Variants in FANCD2 observed in about 807,000 individuals in gnomAD.
The protein encoded by FANCD2 is FA complementation group D2.
A neutral mutation model predicts 192.3 loss-of-function variants in FANCD2; 131 were observed. The observed-to-expected ratio is 0.68, with a 90% CI of 0.59 to 0.79. The LOEUF (loss-of-function observed/expected upper bound fraction) is 0.79. Among genes scored for constraint, FANCD2 ranks in the 30% least tolerant of loss-of-function variants. The pLI, the probability that FANCD2 is intolerant of heterozygous loss-of-function variation, is 0.00. For synonymous variants in FANCD2, 524 were observed against 612.5 expected, an observed-to-expected ratio of 0.86 and a Z score of 2.13; for missense variants, 1,508 against 1,701.6, an observed-to-expected ratio of 0.89 and a Z score of 2.00.
In FANCD2 at chr3:10,046,557, T is replaced by G. The variant is rs1356244244; in HGVS notation, c.1135-23T>G. On this transcript the variant is annotated intron_variant, in intron 14 of 43. Transcript: ENST00000675286. ...ACTGATTTGTTAACTGTTTTTCTGT[T>G]GTTGCATATTTATTGACAATAGGTG... The G allele has an allele frequency of 1.2e-6, 2 of 1,614,134 alleles. No homozygotes were observed. Among genetic ancestry groups the G allele is most frequent in the Non-Finnish European group, 1.7e-6 (2 of 1,179,988 alleles).
At chr3:10,034,882 T>C in intron 5 of FANCD2, 84 bp downstream of exon 5, 1 of 1,007,126 alleles carries the variant, frequency 9.9e-7, no homozygotes, top group Non-Finnish European at 1.5e-6. Context: ...GCACAGTTGT[T>C]TCAAATTTCA....
chr3:10,089,126 A>T (rs1412955072), intron 36 of FANCD2, among the ~76,000 whole-genome samples, 176 bp downstream of exon 36: 1 of 152,052 alleles, frequency 6.6e-6, no homozygotes, highest in Non-Finnish European at 1.5e-5. Flanking sequence ...CCCTACTAAA[A>T]ATACAAAAAT....
intron 29 of FANCD2, among the ~76,000 whole-genome samples, chr3:10,076,284 C>CTTTT (rs58896767): frequency 8.3e-5 from 12 of 144,920 alleles, no homozygotes; most frequent in African/African-American, 3.0e-4. Flanking sequence ...TTGAATTAGT[C>CTTTT]TTTTTTTTTT....
At chr3:10,077,908 C>G (rs1220292759) in intron 29 of FANCD2, among the ~76,000 whole-genome samples, 173 bp from the exon 30 acceptor site, 1 of 151,914 alleles carries the variant, frequency 6.6e-6, no homozygotes, top group Non-Finnish European at 1.5e-5. Context: ...GTTGTGTGTG[C>G]CTATAGTCCC....
chr3:10,065,676 AT>A (rs2087699022), intron 24 of FANCD2, among the ~76,000 whole-genome samples, 182 bp downstream of exon 24: 1 of 152,236 alleles, frequency 6.6e-6, no homozygotes, highest in Non-Finnish European at 1.5e-5. Flanking sequence ...TAACAAATCA[AT>A]TGTTGCAAAA....
chr3:10,066,013 T>C (rs778661237), intron 25 of FANCD2, 34 bp downstream of exon 25: 55 of 1,347,398 alleles, frequency 4.1e-5, no homozygotes, highest in Non-Finnish European at 5.6e-5. Flanking sequence ...TCACTTATTG[T>C]GCATAGTTTT....
intron 11 of FANCD2, 86 bp from the exon 12 acceptor site, chr3:10,042,964 C>T: frequency 8.3e-7 from 1 of 1,210,182 alleles, no homozygotes; most frequent in African/African-American, 1.5e-5. Context: ...CTCAGTCTTT[C>T]AGGAGATTGT....
chr3:10,030,589 A>G (rs1404604981), intron 2 of FANCD2, among the ~76,000 whole-genome samples: 1 of 152,096 alleles, frequency 6.6e-6, no homozygotes, highest in African/African-American at 2.4e-5. Flanking sequence ...CATGTAAGGA[A>G]TAGGCTTGAT....
At chr3:10,075,581 A>G (rs1368986268) in intron 29 of FANCD2, among the ~76,000 whole-genome samples, 1 of 152,210 alleles carries the variant, frequency 6.6e-6, no homozygotes, top group Non-Finnish European at 1.5e-5. Flanking sequence ...AGTTGGGAGT[A>G]GAGGACATTT....
At chr3:10,081,536 A>G in intron 32 of FANCD2, 72 bp downstream of exon 32, 1 of 1,046,998 alleles carries the variant, frequency 9.6e-7, no homozygotes, top group Non-Finnish European at 1.5e-6. Flanking sequence ...AAGGCACTGA[A>G]ATGTAGAAAA....
At chr3:10,030,376 C>T (rs1479510697) in intron 2 of FANCD2, among the ~76,000 whole-genome samples, 10 of 152,022 alleles carry the variant, frequency 6.6e-5, no homozygotes, top group South Asian at 2.1e-4. Flanking sequence ...GGATATCGGA[C>T]GTGAGCCACC....
In FANCD2 at chr3:10,092,244, T is replaced by A. The variant is rs113930338; in HGVS notation, c.3841T>A (p.Leu1281Met). The A allele has an allele frequency of 2.6e-5, 42 of 1,611,680 alleles. No individual in the cohort carries two copies. The Admixed American group carries it at 7.0e-4, about 27-fold the overall frequency. ...TCGAGACTTCAGTATCCTCATCAAC[T>A]TGATAAAGGTGAGTATGGAGACTGC... is the stretch of plus-strand genomic sequence containing the variant. ...AVRDFSILIN[L>M]IKVFDSHPVL... Residue 1281 changes from leucine (L) to methionine (M), a missense_variant, in exon 38 of 44, where the codon TTG (leucine) becomes ATG (methionine). Physicochemically the swap from Leu to Met is conservative, Grantham distance 15 (BLOSUM62 2). Transcript: ENST00000675286.
intron 20 of FANCD2, 36 bp downstream of exon 20, chr3:10,062,247 CTTTT>C (rs751474920): frequency 2.9e-5 from 39 of 1,340,594 alleles, no homozygotes; most frequent in Non-Finnish European, 3.7e-5. Flanking sequence ...TTTTTCCTGT[CTTTT>C]TTTTTTTTTT....
At chr3:10,063,216 C>T (rs2087618406) in intron 20 of FANCD2, among the ~76,000 whole-genome samples, 1 of 151,936 alleles carries the variant, frequency 6.6e-6, no homozygotes, top group Admixed American at 6.6e-5. Flanking sequence ...AGGAGGATCA[C>T]TTGAGGTCAG....
chr3:10,058,977 C>T (rs2087488370), intron 18 of FANCD2, among the ~76,000 whole-genome samples: 1 of 152,080 alleles, frequency 6.6e-6, no homozygotes. Flanking sequence ...CTTTCCATTT[C>T]CTTATGTCTT....
intron 26 of FANCD2, among the ~76,000 whole-genome samples, chr3:10,072,560 G>T (rs1238289808): frequency 1.3e-5 from 2 of 152,176 alleles, no homozygotes; most frequent in African/African-American, 2.4e-5. Flanking sequence ...GGTTACAGGC[G>T]CGAGCCACCC....
At chr3:10,067,931 A>G (rs781102925) in intron 26 of FANCD2, among the ~76,000 whole-genome samples, 2 of 152,216 alleles carry the variant, frequency 1.3e-5, no homozygotes, top group Non-Finnish European at 2.9e-5. Flanking sequence ...AAACCACATG[A>G]TATTTAAATT....
chr3:10,072,513 A>G (rs1341719600), intron 26 of FANCD2, among the ~76,000 whole-genome samples: 2 of 152,174 alleles, frequency 1.3e-5, no homozygotes, highest in African/African-American at 2.4e-5. Context: ...TCCTGACCTC[A>G]GGTGATCCGC....
At chr3:10,066,006 C>T in intron 25 of FANCD2, 27 bp downstream of exon 25, 1 of 1,376,496 alleles carries the variant, frequency 7.3e-7, no homozygotes, top group Non-Finnish European at 1.0e-6. Context: ...GGATGTTTCA[C>T]TTATTGTGCA....
Sources: gnomAD v4.1 joint callset for allele counts (sites outside exome capture counted in the v4.1 genomes callset) on GRCh38, gnomAD v4.1.1 for gene constraint, MANE v1.5 for transcripts, NCBI Gene and HGNC (gene_info 2026-07-23, HGNC 2026-07-21) for gene names.